TMEM217: variants seen among roughly 807,000 people sequenced by gnomAD.
TMEM217 encodes transmembrane protein 217.
For synonymous variants in TMEM217, 76 were observed against 88.3 expected (o/e 0.86, Z 0.78); for missense variants, 204 against 248.8 (o/e 0.82, Z 1.21).
chr6:37,243,240 C>T (rs1377534145), intron 1 of TMEM217, among the ~76,000 whole-genome samples: 3 of 152,196 alleles, frequency 2.0e-5, no homozygotes, highest in South Asian at 4.1e-4. Flanking sequence ...CCCCTTCTTC[C>T]ACTCTGAAAC....
At chr6:37,217,699 G>A (rs1358136823) in exon 2 of TMEM217, 3 of 984,972 alleles carry the variant, frequency 3.0e-6, no homozygotes, top group Non-Finnish European at 3.6e-6. Context: ...AGACACAGTG[G>A]GGAAATCATA....
intron 1 of TMEM217, among the ~76,000 whole-genome samples, chr6:37,237,651 G>A (rs1764567660): frequency 6.6e-6 from 1 of 152,162 alleles, no homozygotes; most frequent in African/African-American, 2.4e-5. Flanking sequence ...GTTTCAGGAT[G>A]AATAAACTGC....
At chr6:37,241,177 C>A (rs1224785288) in intron 1 of TMEM217, among the ~76,000 whole-genome samples, 3 of 149,902 alleles carry the variant, frequency 2.0e-5, no homozygotes, top group African/African-American at 2.5e-5. Context: ...TGGCTCACTG[C>A]ACCTTTGACC....
chr6:37,221,190 CT>C lies in TMEM217; in HGVS notation c.-11-2150del, dbSNP rs1159972171. The stretch of plus-strand genomic sequence containing the variant: ...TCTGGACATGTCATGTAAGTGGAGT[CT>C]TTTTTTTTTTTTTGAGACGGAGTCT... On this transcript the variant is annotated intron_variant, in intron 1 of 1. Coordinates refer to ENST00000357219, the Ensembl canonical transcript of TMEM217. Among the ~76,000 whole-genome samples, 910 of 143,318 alleles carry C rather than the reference CT, an allele frequency of 6.3e-3. 3 individuals are homozygous for C. The highest frequency in any genetic ancestry group is 0.017 in the African/African-American group (651 of 39,428). 94.0% of individuals were successfully genotyped at this position (143,318 alleles called of 152,430 possible).
intron 1 of TMEM217, among the ~76,000 whole-genome samples, chr6:37,251,660 C>A (rs1017727443): frequency 4.6e-5 from 7 of 152,150 alleles, no homozygotes; most frequent in Non-Finnish European, 8.8e-5. Flanking sequence ...CTAAAACATG[C>A]ATGGGAATGC....
At chr6:37,242,245 T>C (rs1447764378) in intron 1 of TMEM217, among the ~76,000 whole-genome samples, 1 of 152,152 alleles carries the variant, frequency 6.6e-6, no homozygotes, top group East Asian at 1.9e-4. Context: ...CATCAAACAT[T>C]CTGCCACTCT....
chr6:37,229,007 C>CA (rs1764018715), intron 1 of TMEM217, among the ~76,000 whole-genome samples: 1 of 150,756 alleles, frequency 6.6e-6, no homozygotes, highest in Non-Finnish European at 1.5e-5. Flanking sequence ...AAAAAAAAAA[C>CA]AAAAAACAAA....
chr6:37,230,360 A>G (rs191746972), intron 1 of TMEM217, among the ~76,000 whole-genome samples: 3 of 152,332 alleles, frequency 2.0e-5, no homozygotes, highest in Non-Finnish European at 4.4e-5. Flanking sequence ...CAAAGGCCAT[A>G]AGGGCTGTTA....
At chr6:37,218,662 C>T (rs1381616396) in exon 2 of TMEM217, 4 of 1,614,124 alleles carry the variant, frequency 2.5e-6, no homozygotes, top group Non-Finnish European at 3.4e-6. Context: ...TGATTCTGAC[C>T]TCTTTAATGT....
In TMEM217 at chr6:37,250,474, TCA is replaced by T. The variant is rs1346620905; in HGVS notation, c.-12+7092_-12+7093del. On this transcript the variant is annotated intron_variant, in intron 1 of 1. Coordinates refer to ENST00000357219, the Ensembl canonical transcript of TMEM217. ...GGTGAGGATGTGGAGCAATGTAAAC[TCA>T]CACTCATTGCTGTGAGGATAAGTTG... 2.6e-5 allele frequency among the ~76,000 whole-genome samples: 4 copies of T among 152,370 alleles called. No individual in the cohort carries two copies. In the East Asian group the frequency reaches 7.7e-4, roughly 29 times the overall value.
intron 1 of TMEM217, among the ~76,000 whole-genome samples, chr6:37,228,561 A>G (rs879608474): frequency 4.6e-5 from 7 of 152,198 alleles, no homozygotes; most frequent in Admixed American, 1.3e-4. Context: ...AAAATTAGCC[A>G]GACGTGGTGG....
At chr6:37,240,223 G>A (rs1369929991) in intron 1 of TMEM217, among the ~76,000 whole-genome samples, 3 of 152,198 alleles carry the variant, frequency 2.0e-5, no homozygotes, top group African/African-American at 7.2e-5. Flanking sequence ...CCATGAGTCA[G>A]GAATCCAAGA....
At chr6:37,231,668 T>A (rs1583459851) in intron 1 of TMEM217, among the ~76,000 whole-genome samples, 1 of 130,736 alleles carries the variant, frequency 7.6e-6, no homozygotes, top group African/African-American at 2.9e-5. Flanking sequence ...TGAGACTCCA[T>A]CTCAAAAAAA....
chr6:37,215,053 A>T, downstream of TMEM217: 1 of 989,242 alleles, frequency 1.0e-6, no homozygotes, highest in African/African-American at 1.6e-5. Flanking sequence ...TGTCTGTATA[A>T]AGCCCACTGG....
At chr6:37,234,982 C>T (rs964582356) in intron 1 of TMEM217, among the ~76,000 whole-genome samples, 2 of 151,934 alleles carry the variant, frequency 1.3e-5, no homozygotes, top group Non-Finnish European at 2.9e-5. Flanking sequence ...CTAATAAACC[C>T]AGATCATTAA....
At chr6:37,223,431 A>T (rs114547214) in intron 1 of TMEM217, among the ~76,000 whole-genome samples, 13 of 152,376 alleles carry the variant, frequency 8.5e-5, no homozygotes, top group African/African-American at 3.1e-4. Context: ...ATCCCATGGA[A>T]TAATATTTTA....
At chr6:37,212,306 C>G (rs1762951990) in exon 4 of TMEM217, 1 of 354,796 alleles carries the variant, frequency 2.8e-6, no homozygotes. Flanking sequence ...GCGTAAAACT[C>G]AAAAGCCCTG....
rs143147269 is a variant in TMEM217, at chr6:37,237,066, A to G, written c.-11-18025T>C. 1.4e-3 allele frequency among the ~76,000 whole-genome samples: 218 copies of G among 152,312 alleles called. 3 individuals carry two copies. The highest frequency in any genetic ancestry group is 5.0e-3 in the African/African-American group (207 of 41,556). The stretch of plus-strand genomic sequence containing the variant: ...AAGCTGTATCACCTTTTCTTATTCT[A>G]GCCTCAGAAGTCCCATAGCAACACG... On this transcript the variant is annotated intron_variant, in intron 1 of 1. Coordinates refer to ENST00000357219, the Ensembl canonical transcript of TMEM217.
At position 37,226,446 on chromosome 6, in the gene TMEM217, C is replaced by A. The variant is rs182411804; in HGVS notation, c.-11-7405G>T. On this transcript the variant is annotated intron_variant, in intron 1 of 1. Coordinates refer to ENST00000357219, the Ensembl canonical transcript of TMEM217. ...TAGCTGGGACTATAGGCGCCTGCCA[C>A]GGCGCCCAGCTAATTTTTTTTTTTG... 3.5e-3 allele frequency among the ~76,000 whole-genome samples: 523 copies of A among 151,420 alleles called. 1 individual carries two copies. The highest frequency in any genetic ancestry group is 0.014 in the Middle Eastern group (4 of 288).
Sources: allele counts gnomAD v4.1 joint callset (sites outside exome capture counted in the v4.1 genomes callset), GRCh38; gene constraint gnomAD v4.1.1; transcripts MANE v1.5; gene names NCBI Gene and HGNC (gene_info 2026-07-23, HGNC 2026-07-21).